DPF1: variants seen among roughly 807,000 people sequenced by gnomAD.
The protein encoded by DPF1 is double PHD fingers 1.
Under a neutral mutation model 58.7 loss-of-function variants are expected in DPF1, and 14 were observed. The observed-to-expected ratio is 0.24, with a 90% confidence interval of 0.16 to 0.37. The LOEUF (loss-of-function observed/expected upper bound fraction) is 0.37, where lower values mean the gene tolerates loss of function less well. Among genes scored for constraint, DPF1 ranks in the 10% least tolerant of loss-of-function variants. The pLI is 1.00. For synonymous variants in DPF1, 216 were observed against 216.0 expected (o/e 1.00, Z 0.00); for missense variants, 345 against 529.9 (o/e 0.65, Z 3.43).
intron 9 of DPF1, 59 bp from the exon 10 acceptor site, chr19:38,213,815 A>C: frequency 2.1e-6 from 3 of 1,423,454 alleles, no homozygotes; most frequent in Non-Finnish European, 2.9e-6. Context: ...GTGGGCACTG[A>C]CCGGCAGGGG....
upstream of DPF1, among the ~76,000 whole-genome samples, chr19:38,224,673 C>T (rs1967740730): frequency 6.6e-6 from 1 of 152,172 alleles, no homozygotes; most frequent in Admixed American, 6.5e-5. The surrounding 1 kb of genome is among the most constrained non-coding windows in gnomAD (Gnocchi z 4.5). Flanking sequence ...CAAGTCCCTC[C>T]TGGCTCCAGA....
chr19:38,220,948 G>A (rs574642753), intron 3 of DPF1, among the ~76,000 whole-genome samples: 3 of 152,276 alleles, frequency 2.0e-5, no homozygotes, highest in East Asian at 1.9e-4. Flanking sequence ...TGGCACACAC[G>A]TGCAGAAATA....
At position 38,211,932 on chromosome 19, in the gene DPF1, G is replaced by T; in HGVS notation, c.*131C>A. On this transcript the variant is annotated 3_prime_UTR_variant, in exon 12 of 12. Coordinates refer to ENST00000355526, the MANE Select transcript of DPF1 (RefSeq NM_001135155.3). The surrounding 1 kb of genome is among the most constrained non-coding windows in gnomAD (Gnocchi z 4.0). The stretch of plus-strand genomic sequence containing the variant: ...ATTCCACTTGCACAGAGGGGAGGGG[G>T]TGGCCCAGCCCCCTCTCGGCTTCCC... The T allele has an allele frequency of 2.0e-6, 2 of 998,156 alleles. No homozygotes were observed. Among genetic ancestry groups the T allele is most frequent in the Non-Finnish European group, 1.5e-6 (1 of 672,444 alleles). The allele number at this position is 998,156 out of a possible 1,614,324, so 61.8% of individuals were successfully genotyped here.
At chr19:38,223,820 C>T (rs1331597313) in intron 1 of DPF1, 1 of 313,368 alleles carries the variant, frequency 3.2e-6, no homozygotes, top group African/African-American at 2.2e-5. Context: ...GCCCCCGCAC[C>T]CCCGGGTCAT....
intron 9 of DPF1, among the ~76,000 whole-genome samples, 170 bp downstream of exon 9, chr19:38,215,970 C>A (rs1966984528): frequency 6.6e-6 from 1 of 152,186 alleles, no homozygotes; most frequent in South Asian, 2.1e-4. Flanking sequence ...CGACCCAATT[C>A]CCACAATCCT....
chr19:38,224,013 C>T lies in DPF1; in HGVS notation c.29+101G>A. On this transcript the variant is annotated intron_variant, in intron 1 of 11. Transcript: ENST00000355526. The surrounding 1 kb of genome is among the most constrained non-coding windows in gnomAD (Gnocchi z 4.5). ...GCGCAGCCCCGCACTCGGTGACAGCCCCCCAGACACCCCTTCGGCCCCACC... is the reference window on the plus strand; with the variant it reads ...GCGCAGCCCCGCACTCGGTGACAGCTCCCCAGACACCCCTTCGGCCCCACC... The T allele has an allele frequency of 2.2e-6, 3 of 1,362,368 alleles. No homozygotes were observed. Among genetic ancestry groups the T allele is most frequent in the East Asian group, 6.0e-5 (2 of 33,272 alleles). 84.4% of individuals were successfully genotyped at this position (1,362,368 alleles called of 1,614,324 possible). A position where few individuals can be genotyped will look rare whatever the true frequency, so the allele number is the denominator to read the frequency against.
At position 38,211,124 on chromosome 19, in the gene DPF1, C is replaced by A. The variant is rs1973377098; in HGVS notation, c.*939G>T. ...GGGCACTCCTGGATTAGGGGACATC[C>A]CCCCAAAACCCACCACCTCCCCCAC... On this transcript the variant is annotated 3_prime_UTR_variant, in exon 12 of 12. Transcript: ENST00000355526. The surrounding 1 kb of genome is among the most constrained non-coding windows in gnomAD (Gnocchi z 4.0). 1 of 152,604 alleles carries A rather than the reference C, an allele frequency of 6.6e-6. No homozygotes were observed. Among genetic ancestry groups the A allele is most frequent in the African/African-American group, 2.4e-5 (1 of 41,466 alleles). The allele number at this position is 152,604 out of a possible 1,614,324, so 9.5% of individuals were successfully genotyped here.
At chr19:38,227,006 C>T (rs56960927), upstream of DPF1, among the ~76,000 whole-genome samples, 21 of 53,914 alleles carry the variant, frequency 3.9e-4, no homozygotes, top group African/African-American at 2.3e-3. Context: ...TCCTTCCTTC[C>T]TTCCTTCCTT....
intron 3 of DPF1, among the ~76,000 whole-genome samples, chr19:38,220,961 C>T (rs1380124639): frequency 3.9e-5 from 6 of 152,178 alleles, no homozygotes; most frequent in African/African-American, 1.4e-4. Flanking sequence ...CAGAAATACA[C>T]CTGATACGCC....
chr19:38,222,548 C>A lies in DPF1; in HGVS notation c.190G>T (p.Gly64Cys). 1 of 1,606,502 alleles carries A rather than the reference C, an allele frequency of 6.2e-7. No individual in the cohort carries two copies. The highest frequency in any genetic ancestry group is 1.3e-5 in the African/African-American group (1 of 74,380). ...CCTGCGCCAGCCCTCCCGGCGGTACCCGGCCCGCGGTGGGTCTTCTCCATC... is the reference window on the plus strand; with the variant it reads ...CCTGCGCCAGCCCTCCCGGCGGTACACGGCCCGCGGTGGGTCTTCTCCATC... ...IWMEKTHRGP[G>C]LAPGQIYTYP... Residue 64 changes from glycine to cysteine, a missense_variant and splice_region_variant, in exon 2 of 12, where the codon GGT (glycine) becomes TGT (cysteine). By Grantham distance (159) the Gly-to-Cys change is radical (BLOSUM62 -3). Transcript: ENST00000355526. The surrounding 1 kb of genome is among the most constrained non-coding windows in gnomAD (Gnocchi z 4.9).
intron 9 of DPF1, among the ~76,000 whole-genome samples, chr19:38,214,619 G>A (rs913605588): frequency 6.6e-6 from 1 of 152,048 alleles, no homozygotes; most frequent in Non-Finnish European, 1.5e-5. Flanking sequence ...ACACCACACA[G>A]CCCACTACCT....
upstream of DPF1, among the ~76,000 whole-genome samples, chr19:38,228,894 C>T (rs1032892057): frequency 6.6e-6 from 1 of 151,726 alleles, no homozygotes; most frequent in Admixed American, 6.6e-5. Flanking sequence ...GGCACCCCCT[C>T]CTGGGCAGCC....
chr19:38,229,590 T>C lies in DPF1; in HGVS notation c.-163A>G. 1 of 1,141,252 alleles carries C rather than the reference T, an allele frequency of 8.8e-7. No homozygotes were observed. The highest frequency in any genetic ancestry group is 1.1e-6 in the Non-Finnish European group (1 of 930,024). The allele number at this position is 1,141,252 out of a possible 1,614,324, so 70.7% of individuals were successfully genotyped here. A position where few individuals can be genotyped will look rare whatever the true frequency, so the allele number is the denominator to read the frequency against. On this transcript the variant is annotated 5_prime_UTR_variant, in exon 1 of 12. Coordinates refer to the DPF1 transcript ENST00000412732. The surrounding 1 kb of genome is among the most constrained non-coding windows in gnomAD (Gnocchi z 5.3). ...AGCGGGTTCTGAATGGCGGTGGCCATGGCCCGCTCGGCTGGGCCGCCTCCG... is the reference window on the plus strand; with the variant it reads ...AGCGGGTTCTGAATGGCGGTGGCCACGGCCCGCTCGGCTGGGCCGCCTCCG...
At chr19:38,228,489 C>G (rs535104765), upstream of DPF1, among the ~76,000 whole-genome samples, 207 of 151,556 alleles carry the variant, frequency 1.4e-3, no homozygotes, top group South Asian at 3.8e-3. Context: ...GTCGCCCCGG[C>G]CCCTTTGTGC....
chr19:38,222,956 A>C lies in DPF1; in HGVS notation c.30-248T>G, dbSNP rs895222766. ...TAGAAACACGATACAGAAACAAACA[A>C]AAACACACCGGGACGTATCCCTACC... On this transcript the variant is annotated intron_variant, in intron 1 of 11. Coordinates refer to ENST00000355526, the MANE Select transcript of DPF1 (RefSeq NM_001135155.3). The surrounding 1 kb of genome is among the most constrained non-coding windows in gnomAD (Gnocchi z 4.9). The C allele has an allele frequency of 2.2e-5, 11 of 507,796 alleles. No homozygotes were observed. In the South Asian group the frequency reaches 3.2e-4, roughly 15 times the overall value. 31.5% of individuals were successfully genotyped at this position (507,796 alleles called of 1,614,324 possible).
Position 38,217,859 on chromosome 19 carries a change from AC to A in DPF1, c.533del (p.Gly178ValfsTer132), listed in dbSNP as rs1364032527. ...AAGCGGTGTCCTGGCGTTTCCGGAG[AC>A]CCCCGATGCCATATGCCTGTGGGGA... ...RAKGKAYGIG[G>X]LRKRQDTASL... On this transcript the variant is annotated frameshift_variant, in exon 6 of 12. Transcript: ENST00000355526. LOFTEE classifies it high-confidence loss of function. 6.2e-7 allele frequency: 1 copy of A among 1,613,658 alleles called. No individual in the cohort carries two copies. The highest frequency in any genetic ancestry group is 8.5e-7 in the Non-Finnish European group (1 of 1,179,934).
intron 3 of DPF1, among the ~76,000 whole-genome samples, chr19:38,220,279 AAAG>A (rs1018523322): frequency 1.1e-4 from 16 of 151,554 alleles, no homozygotes; most frequent in African/African-American, 3.9e-4. Context: ...GAAGGAAAGA[AAAG>A]AAAAAGAGAG....
chr19:38,212,805 G>A (rs1973554331), intron 10 of DPF1, among the ~76,000 whole-genome samples: 1 of 141,444 alleles, frequency 7.1e-6, no homozygotes, highest in Admixed American at 7.1e-5. Context: ...TTTTGAGACG[G>A]GAGTCTCACT....
At chr19:38,223,769 C>G (rs916588047) in intron 1 of DPF1, 3 of 230,356 alleles carry the variant, frequency 1.3e-5, no homozygotes, top group Middle Eastern at 1.3e-3. Context: ...CACTCCACAT[C>G]CCAAGACAAA....
Sources: gnomAD v4.1 joint callset for allele counts (sites outside exome capture counted in the v4.1 genomes callset) on GRCh38, gnomAD v4.1.1 for gene constraint, Gnocchi (gnomAD v3.1) non-coding constraint, MANE v1.5 for transcripts, NCBI Gene and HGNC (gene_info 2026-07-23, HGNC 2026-07-21) for gene names.